Variants in BMERB1 observed in about 807,000 individuals in gnomAD.
BMERB1 encodes the protein bMERB domain containing 1.
Under a neutral mutation model 23.6 loss-of-function variants are expected in BMERB1, and 12 were observed. The ratio of observed to expected loss-of-function variants is 0.51; its 90% CI spans 0.33 to 0.82. The LOEUF (loss-of-function observed/expected upper bound fraction) is 0.82. BMERB1 is among the 40% of genes least tolerant of loss of function. The pLI is 0.03. For synonymous variants in BMERB1, 122 were observed against 96.6 expected (o/e 1.26, Z -1.54); for missense variants, 247 against 255.4 (o/e 0.97, Z 0.22).
At chr16:15,561,604 T>C (rs2030423777) in intron 2 of BMERB1, among the ~76,000 whole-genome samples, 1 of 152,024 alleles carries the variant, frequency 6.6e-6, no homozygotes, top group Admixed American at 6.5e-5. Flanking sequence ...ATGATAATAA[T>C]AGTAAAGGCC....
At chr16:15,556,221 G>A (rs994315544) in intron 2 of BMERB1, among the ~76,000 whole-genome samples, 6 of 151,964 alleles carry the variant, frequency 3.9e-5, no homozygotes, top group Non-Finnish European at 5.9e-5. Flanking sequence ...TACACATTTT[G>A]CACAGAAATG....
intron 1 of BMERB1, among the ~76,000 whole-genome samples, chr16:15,467,746 C>A (rs990767853): frequency 2.6e-5 from 4 of 152,146 alleles, no homozygotes; most frequent in African/African-American, 9.7e-5. Context: ...TGTGACACAG[C>A]CCTCAGGAGA....
At chr16:15,524,910 T>G (rs1052024497) in intron 2 of BMERB1, among the ~76,000 whole-genome samples, 4 of 152,236 alleles carry the variant, frequency 2.6e-5, no homozygotes, top group African/African-American at 9.6e-5. Context: ...TATTACATTC[T>G]GCTCAGAGGA....
chr16:15,446,719 A>T (rs153795), intron 1 of BMERB1, among the ~76,000 whole-genome samples: 50,407 of 152,104 alleles, frequency 0.33, 9,279 homozygotes, highest in Middle Eastern at 0.48. Context: ...CTTAATGTCA[A>T]CTAGACACAT....
chr16:15,487,100 T>G (rs930175000), intron 1 of BMERB1, among the ~76,000 whole-genome samples: 1 of 152,218 alleles, frequency 6.6e-6, no homozygotes, highest in Non-Finnish European at 1.5e-5. Flanking sequence ...AAAATAGGGC[T>G]GAATAACCAT....
chr16:15,523,821 T>TA (rs2051879914), intron 2 of BMERB1, among the ~76,000 whole-genome samples: 1 of 151,966 alleles, frequency 6.6e-6, no homozygotes, highest in Non-Finnish European at 1.5e-5. Flanking sequence ...CGTGGGAGAG[T>TA]AGGGCATCAG....
chr16:15,434,632 G>T lies in BMERB1; in HGVS notation c.-22G>T. ...GGAATGGAGTAAAGGGAGACCCGTC[G>T]ACCTGGCCACGGGGATCAGCGATGG... On this transcript the variant is annotated 5_prime_UTR_variant, in exon 1 of 6. Coordinates refer to ENST00000300006, the MANE Select transcript of BMERB1 (RefSeq NM_033201.3). 1 of 1,608,124 alleles carries T rather than the reference G, an allele frequency of 6.2e-7. No individual in the cohort carries two copies. Among genetic ancestry groups the T allele is most frequent in the Non-Finnish European group, 8.5e-7 (1 of 1,174,552 alleles).
chr16:15,521,367 C>T (rs76849499), intron 2 of BMERB1, among the ~76,000 whole-genome samples: 2,909 of 152,338 alleles, frequency 0.019, 45 homozygotes, highest in Non-Finnish European at 0.026. Context: ...GAACCCGGTT[C>T]CCGTAATAAC....
chr16:15,453,128 C>T (rs2051055870), intron 1 of BMERB1, among the ~76,000 whole-genome samples: 1 of 152,010 alleles, frequency 6.6e-6, no homozygotes, highest in Non-Finnish European at 1.5e-5. Flanking sequence ...GCTGAGATCG[C>T]ACCACTGCAC....
At chr16:15,554,448 T>C (rs2030189703) in intron 2 of BMERB1, among the ~76,000 whole-genome samples, 1 of 152,172 alleles carries the variant, frequency 6.6e-6, no homozygotes, top group Non-Finnish European at 1.5e-5. Context: ...ATTATACTTC[T>C]GTATTGTTTG....
intron 1 of BMERB1, among the ~76,000 whole-genome samples, chr16:15,446,606 CTGA>C (rs2050992104): frequency 6.6e-6 from 1 of 152,178 alleles, no homozygotes; most frequent in Admixed American, 6.6e-5. Context: ...TGTCACTCCA[CTGA>C]TAAGTGGTAG....
chr16:15,552,139 A>G (rs1056082414), intron 2 of BMERB1, among the ~76,000 whole-genome samples: 7 of 151,344 alleles, frequency 4.6e-5, no homozygotes, highest in African/African-American at 1.7e-4. Flanking sequence ...AGTCTGGGGG[A>G]AAAAAAATCA....
At chr16:15,586,336 T>G (rs528059476) in intron 5 of BMERB1, among the ~76,000 whole-genome samples, 1 of 152,216 alleles carries the variant, frequency 6.6e-6, no homozygotes, top group South Asian at 2.1e-4. Context: ...TTTTCAAAAA[T>G]TGAAAAATAT....
chr16:15,436,847 C>T (rs1262153900), intron 1 of BMERB1, among the ~76,000 whole-genome samples: 1 of 151,812 alleles, frequency 6.6e-6, no homozygotes, highest in Non-Finnish European at 1.5e-5. Flanking sequence ...TTCATTTAGT[C>T]CCCTCAACAA....
chr16:15,528,192 T>C (rs764969692), intron 2 of BMERB1, among the ~76,000 whole-genome samples: 3 of 152,134 alleles, frequency 2.0e-5, no homozygotes, highest in Non-Finnish European at 2.9e-5. Flanking sequence ...AAGATGAAGA[T>C]GCCAGCAGAT....
intron 1 of BMERB1, among the ~76,000 whole-genome samples, chr16:15,440,244 CAAAAAAAAAAAAAA>C (rs57412464): frequency 1.5e-5 from 1 of 64,668 alleles, no homozygotes. Flanking sequence ...GACTTAATCT[CAAAAAAAAAAAAAA>C]AAAAAAAAAA....
chr16:15,517,752 G>A (rs893978265), intron 2 of BMERB1, among the ~76,000 whole-genome samples: 1 of 142,778 alleles, frequency 7.0e-6, no homozygotes, highest in Non-Finnish European at 1.5e-5. Flanking sequence ...GTGGATATTT[G>A]TGTGGATGTG....
intron 1 of BMERB1, among the ~76,000 whole-genome samples, chr16:15,439,529 C>G (rs749995699): frequency 6.6e-6 from 1 of 152,134 alleles, no homozygotes; most frequent in Non-Finnish European, 1.5e-5. Flanking sequence ...TTAGTAAATT[C>G]TGGTTAATGA....
chr16:15,557,873 C>T (rs1440955656), intron 2 of BMERB1, among the ~76,000 whole-genome samples: 1 of 152,096 alleles, frequency 6.6e-6, no homozygotes, highest in African/African-American at 2.4e-5. Context: ...GGTGAAACTC[C>T]ATCTCTCCTA....
Sources: allele counts gnomAD v4.1 joint callset (sites outside exome capture counted in the v4.1 genomes callset), GRCh38; gene constraint gnomAD v4.1.1; transcripts MANE v1.5; gene names NCBI Gene and HGNC (gene_info 2026-07-23, HGNC 2026-07-21).